The following LRGUK variants were observed in gnomAD, a reference collection of about 807,000 sequenced individuals.
LRGUK encodes leucine rich repeats and guanylate kinase domain containing.
LRGUK carries 65 observed loss-of-function variants against 76.0 expected under a neutral mutation model. That is an observed-to-expected ratio of 0.85 (90% CI 0.70 to 1.05). The LOEUF is 1.05. LRGUK is among the 50% of genes least tolerant of loss of function. The probability of loss-of-function intolerance (pLI) is 0.00; values close to 1 mark genes in which losing one functional copy is unlikely to be tolerated. For missense variants in LRGUK, 758 were observed against 732.8 expected, an observed-to-expected ratio of 1.03 and a Z score of -0.40; for synonymous variants, 268 against 265.6, an observed-to-expected ratio of 1.01 and a Z score of -0.09.
intron 16 of LRGUK, among the ~76,000 whole-genome samples, chr7:134,232,529 T>TG (rs1221194621): frequency 2.0e-5 from 3 of 152,130 alleles, no homozygotes; most frequent in Non-Finnish European, 4.4e-5. Flanking sequence ...CTGCCCACCT[T>TG]GGCCTCCCAA....
At chr7:134,144,121 G>A (rs73159150) in intron 4 of LRGUK, among the ~76,000 whole-genome samples, 3,315 of 152,244 alleles carry the variant, frequency 0.022, 50 homozygotes, top group Non-Finnish European at 0.037. Context: ...GTGCAGTTGC[G>A]CATTCTTGTC....
At chr7:134,171,852 G>A (rs1799267288) in intron 7 of LRGUK, among the ~76,000 whole-genome samples, 1 of 152,136 alleles carries the variant, frequency 6.6e-6, no homozygotes, top group Admixed American at 6.5e-5. Flanking sequence ...AGATGTGAGG[G>A]TGGAGTCCTC....
At chr7:134,161,824 G>A (rs796516554) in intron 6 of LRGUK, among the ~76,000 whole-genome samples, 17 of 151,798 alleles carry the variant, frequency 1.1e-4, no homozygotes, top group African/African-American at 4.1e-4. Context: ...CCAAGTAGCT[G>A]GGACTACAGG....
chr7:134,268,012 A>G (rs1032663770), downstream of LRGUK, among the ~76,000 whole-genome samples: 1 of 152,204 alleles, frequency 6.6e-6, no homozygotes, highest in African/African-American at 2.4e-5. Flanking sequence ...CGAAAGGGAA[A>G]TTTATACCAC....
At chr7:134,173,566 C>T (rs894978711) in intron 7 of LRGUK, among the ~76,000 whole-genome samples, 4 of 152,074 alleles carry the variant, frequency 2.6e-5, no homozygotes, top group African/African-American at 4.8e-5. Context: ...AGGCCTGCCG[C>T]AATCCAAGTT....
At chr7:134,176,857 G>T in intron 8 of LRGUK, 120 bp from the exon 9 acceptor site, 5 of 617,178 alleles carry the variant, frequency 8.1e-6, no homozygotes. Context: ...TCCTGTGAGG[G>T]TGTGTGTGGG....
downstream of LRGUK, among the ~76,000 whole-genome samples, chr7:134,266,980 G>A (rs1802868144): frequency 6.6e-6 from 1 of 152,124 alleles, no homozygotes; most frequent in Non-Finnish European, 1.5e-5. Context: ...GGTATATTTT[G>A]AAGTACTCAA....
At chr7:134,135,936 G>A (rs1018152158) in intron 1 of LRGUK, among the ~76,000 whole-genome samples, 6 of 152,306 alleles carry the variant, frequency 3.9e-5, no homozygotes, top group African/African-American at 9.6e-5. Context: ...GATTACAGGC[G>A]TGAGCCACCG....
downstream of LRGUK, among the ~76,000 whole-genome samples, chr7:134,265,347 A>G (rs960033043): frequency 2.6e-5 from 4 of 152,204 alleles, no homozygotes; most frequent in Admixed American, 6.5e-5. Flanking sequence ...TTATAGCTCA[A>G]CCTCTGAGAG....
Position 134,241,818 on chromosome 7 carries a change from C to T in LRGUK, c.1984-5738C>T, listed in dbSNP as rs187515702. Among the ~76,000 whole-genome samples, 628 of 152,276 alleles carry T rather than the reference C, an allele frequency of 4.1e-3. 8 individuals are homozygous for T. The highest frequency in any genetic ancestry group is 0.014 in the African/African-American group (577 of 41,554). ...ACATAGTTGGAAGTAAAGCACTCCT[C>T]AGAAAATGTAAAAGAACAGAAATTA... On this transcript the variant is annotated intron_variant, in intron 16 of 19. Coordinates refer to the LRGUK transcript ENST00000285928.
At chr7:134,255,000 T>C (rs1044996779) in intron 18 of LRGUK, among the ~76,000 whole-genome samples, 15 of 152,204 alleles carry the variant, frequency 9.9e-5, no homozygotes, top group Non-Finnish European at 1.9e-4. Flanking sequence ...ATTTTCTAAA[T>C]TGTCTATAAT....
intron 5 of LRGUK, among the ~76,000 whole-genome samples, chr7:134,149,230 G>T (rs1798106454): frequency 6.6e-6 from 1 of 152,120 alleles, no homozygotes; most frequent in Non-Finnish European, 1.5e-5. Context: ...AGCCTAAGGG[G>T]CTAATTGGAG....
At chr7:134,252,805 A>G (rs1802481576) in intron 18 of LRGUK, among the ~76,000 whole-genome samples, 1 of 152,128 alleles carries the variant, frequency 6.6e-6, no homozygotes, top group South Asian at 2.1e-4. Context: ...GTATGCCTAT[A>G]TCACCCCATT....
At chr7:134,129,094 CT>C in intron 1 of LRGUK, among the ~76,000 whole-genome samples, 1 of 149,828 alleles carries the variant, frequency 6.7e-6, no homozygotes, top group African/African-American at 2.5e-5. Context: ...TCCTTCCTTC[CT>C]CCCTTCCTTC....
At chr7:134,195,019 G>A (rs1328434204) in intron 12 of LRGUK, among the ~76,000 whole-genome samples, 1 of 152,152 alleles carries the variant, frequency 6.6e-6, no homozygotes, top group Non-Finnish European at 1.5e-5. Flanking sequence ...TGGGTGGGGG[G>A]AAGCCAGTGA....
chr7:134,141,163 A>G (rs1362227218), intron 3 of LRGUK, among the ~76,000 whole-genome samples: 4 of 152,190 alleles, frequency 2.6e-5, no homozygotes, highest in African/African-American at 9.7e-5. Context: ...GGCACATTTC[A>G]TTAGTTCGTC....
chr7:134,260,758 T>G (rs1802702091), intron 19 of LRGUK, among the ~76,000 whole-genome samples: 1 of 152,216 alleles, frequency 6.6e-6, no homozygotes, highest in Non-Finnish European at 1.5e-5. Flanking sequence ...CCATGCCCAC[T>G]GCTCCTGTGG....
intron 10 of LRGUK, among the ~76,000 whole-genome samples, chr7:134,179,007 TGTG>T (rs918166689): frequency 4.7e-5 from 7 of 147,816 alleles, no homozygotes; most frequent in African/African-American, 1.8e-4. Context: ...AACAGAAAAT[TGTG>T]GTAATTTATA....
intron 16 of LRGUK, among the ~76,000 whole-genome samples, chr7:134,232,426 G>A (rs1193782437): frequency 6.6e-6 from 1 of 151,938 alleles, no homozygotes; most frequent in Non-Finnish European, 1.5e-5. Flanking sequence ...TTACAGGCAC[G>A]TGCCACCACA....
Sources: allele counts gnomAD v4.1 joint callset (sites outside exome capture counted in the v4.1 genomes callset), GRCh38; gene constraint gnomAD v4.1.1; transcripts MANE v1.5; gene names NCBI Gene and HGNC (gene_info 2026-07-23, HGNC 2026-07-21).